SLC3A1: variants seen among roughly 807,000 people sequenced by gnomAD.
SLC3A1 encodes solute carrier family 3 member 1.
A neutral mutation model predicts 60.3 loss-of-function variants in SLC3A1; 78 were observed. The observed-to-expected ratio is 1.29, with a 90% CI of 1.08 to 1.56. The LOEUF (loss-of-function observed/expected upper bound fraction) is 1.56, where lower values mean the gene tolerates loss of function less well. SLC3A1 is among the 40% of genes most tolerant of loss of function. The probability of loss-of-function intolerance (pLI) is 0.00; values close to 1 mark genes in which losing one functional copy is unlikely to be tolerated. For missense variants in SLC3A1, 1,172 were observed against 858.9 expected, an observed-to-expected ratio of 1.36 and a Z score of -4.56; for synonymous variants, 392 against 307.9, an observed-to-expected ratio of 1.27 and a Z score of -2.86.
chr2:44,300,562 C>T (rs151083535), intron 5 of SLC3A1, among the ~76,000 whole-genome samples: 24 of 151,872 alleles, frequency 1.6e-4, no homozygotes, highest in African/African-American at 5.3e-4. Context: ...ACTGAAACCC[C>T]GAGAAAGTAT....
chr2:44,290,523 T>C (rs6706053), intron 4 of SLC3A1, among the ~76,000 whole-genome samples: 91,973 of 151,954 alleles, frequency 0.61, 28,344 homozygotes, highest in Non-Finnish European at 0.66. Context: ...CTGGGGAACA[T>C]AGCCATCTTA....
chr2:44,306,673 C>A (rs1018599911), intron 7 of SLC3A1, among the ~76,000 whole-genome samples: 4 of 150,812 alleles, frequency 2.7e-5, no homozygotes, highest in Non-Finnish European at 5.9e-5. Flanking sequence ...CCTGCCTCAG[C>A]CTTTAGAGTA....
At chr2:44,287,060 A>G (rs1219575302) in intron 4 of SLC3A1, among the ~76,000 whole-genome samples, 1 of 152,172 alleles carries the variant, frequency 6.6e-6, no homozygotes, top group African/African-American at 2.4e-5. Flanking sequence ...CATTGAGTAA[A>G]TATTAACATA....
chr2:44,320,752 C>A lies in SLC3A1; in HGVS notation c.*113C>A. 2 of 879,262 alleles carry A rather than the reference C, an allele frequency of 2.3e-6. No homozygotes were observed. Among genetic ancestry groups the A allele is most frequent in the Non-Finnish European group, 3.7e-6 (2 of 533,502 alleles). The allele number at this position is 879,262 out of a possible 1,614,324, so 54.5% of individuals were successfully genotyped here. A position where few individuals can be genotyped will look rare whatever the true frequency, so the allele number is the denominator to read the frequency against. ...AACAATCATTAATTCTTCGATATTT[C>A]TGTAGCTTGAATGTAACTGCTTTAA... On this transcript the variant is annotated 3_prime_UTR_variant, in exon 10 of 10. Transcript: ENST00000260649.
intron 7 of SLC3A1, among the ~76,000 whole-genome samples, chr2:44,310,116 A>G (rs1198989545): frequency 1.3e-5 from 2 of 151,882 alleles, no homozygotes; most frequent in African/African-American, 2.4e-5. Flanking sequence ...CTGGTCTTGA[A>G]CTCCTGAGCT....
At chr2:44,312,788 T>C (rs750047277) in intron 8 of SLC3A1, 35 bp downstream of exon 8, 1 of 1,562,272 alleles carries the variant, frequency 6.4e-7, no homozygotes, top group South Asian at 1.1e-5. Flanking sequence ...TCATCACAGC[T>C]ATAAAACCAA....
rs1553347695 is a variant in SLC3A1, at chr2:44,315,675, A to AAAT, written c.1617+1724_1617+1725insAAT. ...CCTCAAAAAAAAAAAAAAAAAAAAA[A>AAAT]GCAGAGAATAGAAGTGGGAGTCTAA... On this transcript the variant is annotated intron_variant, in intron 9 of 9. Coordinates refer to ENST00000260649, the MANE Select transcript of SLC3A1 (RefSeq NM_000341.4). 2.2e-3 allele frequency among the ~76,000 whole-genome samples: 337 copies of AAAT among 150,416 alleles called. 4 individuals are homozygous for AAAT. Among genetic ancestry groups the AAAT allele is most frequent in the African/African-American group, 8.0e-3 (328 of 40,816 alleles).
intron 4 of SLC3A1, among the ~76,000 whole-genome samples, chr2:44,290,428 T>C (rs372780143): frequency 1.3e-5 from 2 of 152,200 alleles, no homozygotes; most frequent in African/African-American, 2.4e-5. Context: ...TGGATTTCCA[T>C]GTGAATTTCT....
In SLC3A1 at chr2:44,282,216, C is replaced by G. The variant is rs543022811; in HGVS notation, c.765+675C>G. On this transcript the variant is annotated intron_variant, in intron 3 of 9. Coordinates refer to ENST00000260649, the MANE Select transcript of SLC3A1 (RefSeq NM_000341.4). ...TTTGTCTCCTCTGTCTGACAAAACC[C>G]TAGCCATGAATGAACCCAATTATCT... 1.4e-4 allele frequency among the ~76,000 whole-genome samples: 21 copies of G among 152,216 alleles called. No individual in the cohort carries two copies. In the Middle Eastern group the frequency reaches 0.01, roughly 74 times the overall value.
rs755742518 is a variant in SLC3A1 at position 44,301,137 on chromosome 2, G to C, written c.1136+10G>C. 7.4e-6 allele frequency: 12 copies of C among 1,614,048 alleles called. No homozygotes were observed. The highest frequency in any genetic ancestry group is 9.3e-6 in the Non-Finnish European group (11 of 1,180,032). On this transcript the variant is annotated intron_variant, in intron 6 of 9. Transcript: ENST00000260649. Reference sequence around the variant, plus strand: ...AGCCCGGCAGATACAGGTTGACCACGGCATATGCTCTCATTTCTTCCCAGG... The same window carrying C: ...AGCCCGGCAGATACAGGTTGACCACCGCATATGCTCTCATTTCTTCCCAGG...
At position 44,287,023 on chromosome 2, in the gene SLC3A1, A is replaced by T. The variant is rs1176014316; in HGVS notation, c.891+866A>T. On this transcript the variant is annotated intron_variant, in intron 4 of 9. Transcript: ENST00000260649. ...AGGGCTGTTTGGAAGATTAGATGAG[A>T]TAACACATGCACGACACTTCTGTAC... 3.3e-5 allele frequency among the ~76,000 whole-genome samples: 5 copies of T among 152,196 alleles called. 1 individual carries two copies. Among genetic ancestry groups the T allele is most frequent in the Non-Finnish European group, 7.3e-5 (5 of 68,034 alleles).
At chr2:44,317,459 C>CAAAAAA (rs3074505) in intron 9 of SLC3A1, among the ~76,000 whole-genome samples, 1 of 141,606 alleles carries the variant, frequency 7.1e-6, no homozygotes, top group East Asian at 2.2e-4. Context: ...GAGATTGTGT[C>CAAAAAA]AAAAAAAAAA....
intron 9 of SLC3A1, chr2:44,318,095 GT>G (rs11348872): frequency 0.46 from 178,587 of 391,984 alleles, 21,364 homozygotes; most frequent in Middle Eastern, 0.53. Flanking sequence ...TCTCAACACT[GT>G]TTTTTTTTTT....
chr2:44,314,426 T>G (rs909162006), intron 9 of SLC3A1: 1 of 208,332 alleles, frequency 4.8e-6, no homozygotes, highest in African/African-American at 2.3e-5. Flanking sequence ...TGCTCTGGCA[T>G]ACTAATACAA....
chr2:44,319,782 G>A, intron 9 of SLC3A1: 1 of 176,314 alleles, frequency 5.7e-6, no homozygotes, highest in South Asian at 1.3e-4. Context: ...TCTACAAAGG[G>A]GAACAAACCC....
At chr2:44,300,878 C>G in intron 5 of SLC3A1, 125 bp from the exon 6 acceptor site, 1 of 1,055,176 alleles carries the variant, frequency 9.5e-7, no homozygotes, top group Non-Finnish European at 1.5e-6. Context: ...ATCCACAAAA[C>G]CATGTTTGAG....
At chr2:44,301,583 A>G (rs1381404956) in intron 6 of SLC3A1, among the ~76,000 whole-genome samples, 1 of 151,922 alleles carries the variant, frequency 6.6e-6, no homozygotes, top group Admixed American at 6.6e-5. Context: ...TACTAAAAAT[A>G]CAAAAATTAG....
chr2:44,312,827 A>G, intron 8 of SLC3A1, 74 bp downstream of exon 8: 1 of 1,276,518 alleles, frequency 7.8e-7, no homozygotes, highest in East Asian at 2.5e-5. Flanking sequence ...TTGCCAAATC[A>G]GAGAACTTAC....
At chr2:44,316,806 A>T (rs1452341953) in intron 9 of SLC3A1, among the ~76,000 whole-genome samples, 1 of 152,242 alleles carries the variant, frequency 6.6e-6, no homozygotes, top group Non-Finnish European at 1.5e-5. Flanking sequence ...AGCAAAACAG[A>T]GATGGAAAAG....
Sources: allele counts gnomAD v4.1 joint callset (sites outside exome capture counted in the v4.1 genomes callset), GRCh38; gene constraint gnomAD v4.1.1; transcripts MANE v1.5; gene names NCBI Gene and HGNC (gene_info 2026-07-23, HGNC 2026-07-21).